The following CSF3R variants were observed in gnomAD, a reference collection of about 807,000 sequenced individuals.
CSF3R encodes granulocyte colony-stimulating factor receptor.
A neutral mutation model predicts 84.4 loss-of-function variants in CSF3R; 52 were observed. That is an observed-to-expected ratio of 0.62 (90% CI 0.49 to 0.78). The LOEUF is 0.78. Among genes scored for constraint, CSF3R ranks in the 30% least tolerant of loss-of-function variants. The pLI, the probability that CSF3R is intolerant of heterozygous loss-of-function variation, is 0.00. For missense variants in CSF3R, 890 were observed against 1,055.7 expected, an observed-to-expected ratio of 0.84 and a Z score of 2.17; for synonymous variants, 384 against 429.1, an observed-to-expected ratio of 0.89 and a Z score of 1.30.
At chr1:36,479,854 G>A (rs1651408688) in intron 2 of CSF3R, 1 of 373,512 alleles carries the variant, frequency 2.7e-6, no homozygotes, top group African/African-American at 2.1e-5. Flanking sequence ...CCCCTAGAGA[G>A]CAGAACCTGA....
intron 4 of CSF3R, 105 bp downstream of exon 4, chr1:36,475,272 G>A: frequency 7.1e-7 from 1 of 1,410,952 alleles, no homozygotes; most frequent in Non-Finnish European, 1.0e-6. Context: ...CTCCCAAAGT[G>A]CTGGGAATAC....
At chr1:36,473,678 T>C in intron 5 of CSF3R, 56 bp from the exon 6 acceptor site, 3 of 1,613,856 alleles carry the variant, frequency 1.9e-6, no homozygotes, top group Non-Finnish European at 2.5e-6. Flanking sequence ...GGCTCCCTTC[T>C]CCCTCCCAGA....
At chr1:36,469,342 G>GCCA in intron 11 of CSF3R, 85 bp from the exon 12 acceptor site, 1 of 1,045,264 alleles carries the variant, frequency 9.6e-7, no homozygotes, top group Non-Finnish European at 1.5e-6. Flanking sequence ...CTCTAGTGAG[G>GCCA]GCTAACCTGG....
Position 36,469,176 on chromosome 1 carries a change from TA to T in CSF3R, c.1555del (p.Tyr519MetfsTer17). 2 of 1,613,936 alleles carry T rather than the reference TA, an allele frequency of 1.2e-6. No homozygotes were observed. Among genetic ancestry groups the T allele is most frequent in the Non-Finnish European group, 1.7e-6 (2 of 1,179,864 alleles). ...QDTMGPSQHVYAYSQEMAPSH... is the reference protein window; with the variant it reads ...QDTMGPSQHVXAYSQEMAPSH... ...CAAACCCATTTCTTGAGAGTAGGCA[TA>T]GACATGCTGGGAGGGTCCCATGGTG... is the stretch of plus-strand genomic sequence containing the variant. On this transcript the variant is annotated frameshift_variant, in exon 12 of 17. Coordinates refer to ENST00000373106, the MANE Select transcript of CSF3R (RefSeq NM_000760.4). LOFTEE classifies it high-confidence loss of function.
At position 36,466,384 on chromosome 1, in the gene CSF3R, A is replaced by G. The variant is rs149680734; in HGVS notation, c.2484T>C (p.His828=). Residue 828 remains histidine, a synonymous_variant, in exon 17 of 17, where the codon CAT becomes CAC. Coordinates refer to ENST00000373106, the MANE Select transcript of CSF3R (RefSeq NM_000760.4). This position sits in a 1 kb window ranked among gnomAD's most constrained non-coding sequence, Gnocchi z 4.6. ...NFPLLQGIRV[H]GMEALGSF ...AGAAGCTCCCCAGCGCCTCCATCCCATGGACCCGGATCCCCTGCAGGAGGG... is the reference window on the plus strand; with the variant it reads ...AGAAGCTCCCCAGCGCCTCCATCCCGTGGACCCGGATCCCCTGCAGGAGGG... 1.3e-4 allele frequency: 212 copies of G among 1,613,318 alleles called. 3 individuals carry two copies. Among genetic ancestry groups the G allele is most frequent in the South Asian group, 6.6e-4 (60 of 91,020 alleles).
At chr1:36,477,058 G>A (rs1297374223) in intron 3 of CSF3R, 1 of 152,082 alleles carries the variant, frequency 6.6e-6, no homozygotes, top group Non-Finnish European at 1.5e-5. Flanking sequence ...AACCAGACCA[G>A]GCACTAACGA....
rs754176065 is a variant in CSF3R at position 36,473,539 on chromosome 1, C to T, written c.569G>A (p.Arg190His). Residue 190 changes from arginine (R) to histidine (H), a missense_variant, in exon 6 of 17, where the codon CGC (arginine) becomes CAC (histidine). Coordinates refer to ENST00000373106, the MANE Select transcript of CSF3R (RefSeq NM_000760.4). ...ATTCTGGTACAACAGCAGGTGTTTG[C>T]GTGGGATGCAGCAGTGGCTCTGCCC... ...KDGQSHCCIPRKHLLLYQNMG... is the reference protein window; with the variant it reads ...KDGQSHCCIPHKHLLLYQNMG... 36 of 1,614,148 alleles carry T rather than the reference C, an allele frequency of 2.2e-5. No individual in the cohort carries two copies. Among genetic ancestry groups the T allele is most frequent in the Middle Eastern group, 1.6e-4 (1 of 6,062 alleles).
At chr1:36,474,083 A>T (rs377229950) in intron 4 of CSF3R, among the ~76,000 whole-genome samples, 196 bp from the exon 5 acceptor site, 14 of 152,230 alleles carry the variant, frequency 9.2e-5, no homozygotes, top group Admixed American at 7.9e-4. Context: ...CACCGGGGCA[A>T]GCATCACAGA....
At chr1:36,469,518 G>T in intron 11 of CSF3R, 134 bp downstream of exon 11, 1 of 1,120,190 alleles carries the variant, frequency 8.9e-7, no homozygotes, top group Non-Finnish European at 1.3e-6. Context: ...GATATGAAAT[G>T]AGAACAACGA....
In CSF3R at chr1:36,472,295, G is replaced by T; in HGVS notation, c.940C>A (p.Leu314Met). Reference protein sequence around the residue: ...TLQIRCIRWPLPGHWSDWSPS... With the variant: ...TLQIRCIRWPMPGHWSDWSPS... ...CTCCAGTCGCTCCAGTGGCCAGGCA[G>T]GGGCCAGCGGATGCAGCGTATCTGC... is the stretch of plus-strand genomic sequence containing the variant. The change falls in exon 8 of 17, where the codon CTG becomes ATG. Residue 314 changes from leucine (L) to methionine (M), a missense_variant. Transcript: ENST00000373106. This position sits in a 1 kb window ranked among gnomAD's most constrained non-coding sequence, Gnocchi z 5.0. 6.2e-7 allele frequency: 1 copy of T among 1,614,230 alleles called. No individual in the cohort carries two copies. Among genetic ancestry groups the T allele is most frequent in the Non-Finnish European group, 8.5e-7 (1 of 1,180,034 alleles).
At chr1:36,468,690 C>A in intron 12 of CSF3R, 1 of 236,862 alleles carries the variant, frequency 4.2e-6, no homozygotes, top group Non-Finnish European at 8.4e-6. Context: ...AGGCATGTGT[C>A]ACTGCACCCA....
rs1351737000 is a variant in CSF3R at position 36,467,032 on chromosome 1, T to C, written c.2040+198A>G. 3 of 1,372,004 alleles carry C rather than the reference T, an allele frequency of 2.2e-6. No homozygotes were observed. Among genetic ancestry groups the C allele is most frequent in the Non-Finnish European group, 3.0e-6 (3 of 987,610 alleles). 85.0% of individuals were successfully genotyped at this position (1,372,004 alleles called of 1,614,324 possible). ...CCGTTCAGACTCAGCATGGTCAGTT[T>C]TTCCATATCACAGGGAGGTGACTGA... On this transcript the variant is annotated intron_variant, in intron 16 of 16. Coordinates refer to ENST00000373106, the MANE Select transcript of CSF3R (RefSeq NM_000760.4). This position sits in a 1 kb window ranked among gnomAD's most constrained non-coding sequence, Gnocchi z 4.1.
chr1:36,471,917 C>A, intron 9 of CSF3R, 149 bp downstream of exon 9: 1 of 815,764 alleles, frequency 1.2e-6, no homozygotes, highest in Non-Finnish European at 2.0e-6. Context: ...GCTAACTCAG[C>A]TCCCTAGGCA....
chr1:36,477,383 C>G (rs1029022903), intron 3 of CSF3R: 1 of 152,214 alleles, frequency 6.6e-6, no homozygotes. Context: ...CTCAGCCTCC[C>G]GAAAAGCTGG....
Position 36,472,011 on chromosome 1 carries a change from C to G in CSF3R, c.1071+55G>C. ...GTCCTAAGCCCCGGTTTGTAGGGAT[C>G]TGTTTGGACTGCGGGAGGTGTCGAG... On this transcript the variant is annotated intron_variant, in intron 9 of 16. Coordinates refer to ENST00000373106, the MANE Select transcript of CSF3R (RefSeq NM_000760.4). The surrounding 1 kb of genome is among the most constrained non-coding windows in gnomAD (Gnocchi z 5.0). 1 of 1,558,518 alleles carries G rather than the reference C, an allele frequency of 6.4e-7. No individual in the cohort carries two copies.
At chr1:36,476,781 C>T (rs1651182620) in intron 3 of CSF3R, among the ~76,000 whole-genome samples, 1 of 152,086 alleles carries the variant, frequency 6.6e-6, no homozygotes, top group Admixed American at 6.5e-5. Context: ...CCACCTCAGC[C>T]TCCTGAGTAG....
In CSF3R at chr1:36,467,733, G is replaced by A; in HGVS notation, c.1865-82C>T. 6.2e-7 allele frequency: 1 copy of A among 1,610,992 alleles called. No homozygotes were observed. Among genetic ancestry groups the A allele is most frequent in the East Asian group, 2.2e-5 (1 of 44,864 alleles). ...CCTCCCTCCGACCAGGGGATTCAAAGTCAGTCCCCAGCTACTCTCAAAATC... is the reference window on the plus strand; with the variant it reads ...CCTCCCTCCGACCAGGGGATTCAAAATCAGTCCCCAGCTACTCTCAAAATC... On this transcript the variant is annotated intron_variant, in intron 14 of 16. Coordinates refer to ENST00000373106, the MANE Select transcript of CSF3R (RefSeq NM_000760.4). This position sits in a 1 kb window ranked among gnomAD's most constrained non-coding sequence, Gnocchi z 4.1.
chr1:36,472,341 G>A lies in CSF3R; in HGVS notation c.894C>T (p.Leu298=). The A allele has an allele frequency of 1.2e-6, 2 of 1,614,190 alleles. No homozygotes were observed. Among genetic ancestry groups the A allele is most frequent in the South Asian group, 1.1e-5 (1 of 91,084 alleles). ...EALQYELCGL[L]PATAYTLQIR... ...TCTGCAGGGTGTAGGCCGTGGCTGG[G>A]AGGAGCCCGCAGAGCTCATACTGAA... Residue 298 remains leucine, a synonymous_variant, in exon 8 of 17, where the codon CTC becomes CTT. Coordinates refer to ENST00000373106, the MANE Select transcript of CSF3R (RefSeq NM_000760.4). The surrounding 1 kb of genome is among the most constrained non-coding windows in gnomAD (Gnocchi z 5.0).
chr1:36,466,700 A>G lies in CSF3R; in HGVS notation c.2168T>C (p.Leu723Pro). 6.2e-7 allele frequency: 1 copy of G among 1,614,222 alleles called. No individual in the cohort carries two copies. Among genetic ancestry groups the G allele is most frequent in the Non-Finnish European group, 8.5e-7 (1 of 1,180,030 alleles). The change falls in exon 17 of 17, where the codon CTG (leucine) becomes CCG (proline). Residue 723 changes from leucine (L) to proline (P), a missense_variant. Coordinates refer to ENST00000373106, the MANE Select transcript of CSF3R (RefSeq NM_000760.4). This position sits in a 1 kb window ranked among gnomAD's most constrained non-coding sequence, Gnocchi z 4.6. Reference sequence around the variant, plus strand: ...CCCCTGGAGCACATAGGTCTGGACCAGAGTGGGGAGGCCACAGGTCTCTGA... The same window carrying G: ...CCCCTGGAGCACATAGGTCTGGACCGGAGTGGGGAGGCCACAGGTCTCTGA... ...NSSETCGLPT[L>P]VQTYVLQGDP...
Sources: allele counts gnomAD v4.1 joint callset (sites outside exome capture counted in the v4.1 genomes callset), GRCh38; gene constraint gnomAD v4.1.1; non-coding constraint Gnocchi (gnomAD v3.1); transcripts MANE v1.5; gene names NCBI Gene and HGNC (gene_info 2026-07-23, HGNC 2026-07-21).